Variants in MGAT4C observed in about 807,000 individuals in gnomAD.
MGAT4C encodes the protein MGAT4 family member C, also known as alpha-1,3-mannosyl-glycoprotein 4-beta-N-acetylglucosaminyltransferase C.
In MGAT4C, 19 loss-of-function variants were observed where a neutral mutation model predicts 40.1. The ratio of observed to expected loss-of-function variants is 0.47; its 90% CI spans 0.33 to 0.70. The LOEUF (loss-of-function observed/expected upper bound fraction) is 0.70, where lower values mean the gene tolerates loss of function less well. Ranked by LOEUF, MGAT4C falls within the 30% of genes least tolerant of loss-of-function variation. The probability of loss-of-function intolerance (pLI) is 0.02; values close to 1 mark genes in which losing one functional copy is unlikely to be tolerated. For missense variants in MGAT4C, 491 were observed against 563.2 expected (o/e 0.87, Z 1.30); for synonymous variants, 181 against 187.1 (o/e 0.97, Z 0.27).
At chr12:86,618,602 C>T (rs984812638) in intron 2 of MGAT4C, among the ~76,000 whole-genome samples, 1 of 152,106 alleles carries the variant, frequency 6.6e-6, no homozygotes, top group African/African-American at 2.4e-5. Flanking sequence ...CATGTTCTCA[C>T]TCATACATGA....
intron 2 of MGAT4C, among the ~76,000 whole-genome samples, chr12:86,489,793 C>T (rs1259411168): frequency 2.0e-5 from 3 of 151,660 alleles, no homozygotes; most frequent in South Asian, 2.1e-4. Flanking sequence ...CCTCAGGAGC[C>T]GATGCGATCA....
rs144397030 is a variant in MGAT4C, at chr12:86,059,331, C to T, written c.-56-9608G>A. ...TGCTGGGATTACAGGCATGAGCCAC[C>T]GCACCCAGCCTTAACATGTCTTCTT... On this transcript the variant is annotated intron_variant, in intron 1 of 4. Coordinates refer to ENST00000611864, the MANE Select transcript of MGAT4C (RefSeq NM_001351288.2). Among the ~76,000 whole-genome samples the T allele has an allele frequency of 3.3e-3, 499 of 152,316 alleles. 6 individuals are homozygous for T. Among genetic ancestry groups the T allele is most frequent in the South Asian group, 0.015 (73 of 4,834 alleles).
At chr12:86,255,850 C>G (rs1952493962) in intron 1 of MGAT4C, among the ~76,000 whole-genome samples, 2 of 152,076 alleles carry the variant, frequency 1.3e-5, no homozygotes. Flanking sequence ...AAGTCTACAG[C>G]AACACTACTT....
chr12:86,767,687 C>A (rs533237020), intron 1 of MGAT4C, among the ~76,000 whole-genome samples: 1 of 152,292 alleles, frequency 6.6e-6, no homozygotes, highest in Admixed American at 6.5e-5. Flanking sequence ...TGGGCTTCAT[C>A]CCTGGGATGC....
intron 3 of MGAT4C, among the ~76,000 whole-genome samples, chr12:86,341,866 C>T (rs763646928): frequency 9.2e-5 from 14 of 152,140 alleles, no homozygotes; most frequent in South Asian, 6.2e-4. Flanking sequence ...TGCCCTAGGA[C>T]GGCACTCCTA....
intron 3 of MGAT4C, among the ~76,000 whole-genome samples, chr12:86,408,467 C>CTATA (rs1956522291): frequency 1.9e-5 from 2 of 108,076 alleles, no homozygotes; most frequent in East Asian, 2.8e-4. Context: ...CTCTCTCTCT[C>CTATA]TCTCTCTCTC....
intron 1 of MGAT4C, among the ~76,000 whole-genome samples, chr12:86,187,229 C>T (rs4842454): frequency 0.073 from 11,148 of 152,042 alleles, 572 homozygotes; most frequent in Middle Eastern, 0.22. Context: ...CTGAATGCAC[C>T]CAATCTAGTC....
intron 2 of MGAT4C, among the ~76,000 whole-genome samples, chr12:86,030,128 C>A (rs55692321): frequency 0.071 from 10,770 of 151,654 alleles, 539 homozygotes; most frequent in Middle Eastern, 0.23. Flanking sequence ...TGCCATTTTA[C>A]AAGAGAGACA....
At position 85,962,654 on chromosome 12, in the gene MGAT4C, TG is replaced by T. The variant is rs1883174193; in HGVS notation, c.*16634del. 6.6e-6 allele frequency: 1 copy of T among 151,040 alleles called. No individual in the cohort carries two copies. The highest frequency in any genetic ancestry group is 6.6e-5 in the Admixed American group (1 of 15,170). The allele number at this position is 151,040 out of a possible 1,614,324, so 9.4% of individuals were successfully genotyped here. On this transcript the variant is annotated 3_prime_UTR_variant, in exon 5 of 5. Transcript: ENST00000611864. Reference sequence around the variant, plus strand: ...TTGTTTAAGTACATTCAACTTGTAATGAACTGTAAACTTCACCCATAACATT... The same window carrying T: ...TTGTTTAAGTACATTCAACTTGTAATAACTGTAAACTTCACCCATAACATT...
chr12:86,223,781 T>G (rs1475028710), intron 1 of MGAT4C, among the ~76,000 whole-genome samples: 2 of 152,128 alleles, frequency 1.3e-5, no homozygotes, highest in Non-Finnish European at 2.9e-5. Context: ...CCTTCTAAGG[T>G]CTGAGGTCCG....
At chr12:86,641,762 TA>T (rs966773761) in intron 2 of MGAT4C, among the ~76,000 whole-genome samples, 5 of 151,652 alleles carry the variant, frequency 3.3e-5, no homozygotes, top group African/African-American at 1.2e-4. Flanking sequence ...AAGGAAAACA[TA>T]ACCTCCGCAA....
At chr12:86,606,962 T>C (rs1212930375) in intron 2 of MGAT4C, among the ~76,000 whole-genome samples, 4 of 152,112 alleles carry the variant, frequency 2.6e-5, no homozygotes, top group Non-Finnish European at 4.4e-5. Flanking sequence ...GTAAATACAC[T>C]GAATATTTTA....
At chr12:86,686,081 G>A (rs749265890) in intron 2 of MGAT4C, among the ~76,000 whole-genome samples, 47 of 151,116 alleles carry the variant, frequency 3.1e-4, no homozygotes, top group Non-Finnish European at 5.0e-4. Flanking sequence ...ATGTTTCACC[G>A]TGTTAGTCAG....
At chr12:86,511,305 A>G (rs1958577780) in intron 2 of MGAT4C, among the ~76,000 whole-genome samples, 1 of 152,226 alleles carries the variant, frequency 6.6e-6, no homozygotes, top group Non-Finnish European at 1.5e-5. Flanking sequence ...GAACAAAGAC[A>G]CAACATACCA....
chr12:86,191,632 A>AACACACACACAC (rs61626246), intron 1 of MGAT4C, among the ~76,000 whole-genome samples: 29 of 121,998 alleles, frequency 2.4e-4, no homozygotes, highest in African/African-American at 8.2e-4. Context: ...CAAAAAACAA[A>AACACACACACAC]ACACACACAC....
chr12:86,505,993 C>A (rs1395972491), intron 2 of MGAT4C, among the ~76,000 whole-genome samples: 2 of 152,156 alleles, frequency 1.3e-5, no homozygotes, highest in Non-Finnish European at 2.9e-5. Flanking sequence ...TTTGACAAAT[C>A]ATTTACTCCT....
chr12:86,360,826 G>A (rs968159362), intron 3 of MGAT4C, among the ~76,000 whole-genome samples: 4 of 151,996 alleles, frequency 2.6e-5, no homozygotes, highest in African/African-American at 4.8e-5. Flanking sequence ...ATTGCTCAAC[G>A]AAATAAAAGA....
chr12:86,374,124 G>T (rs943940425), intron 3 of MGAT4C, among the ~76,000 whole-genome samples: 3 of 152,006 alleles, frequency 2.0e-5, no homozygotes, highest in African/African-American at 4.8e-5. Context: ...TGGTAGAAAA[G>T]TCATGAGCAA....
chr12:86,264,481 A>AG (rs1452147617), intron 4 of MGAT4C, among the ~76,000 whole-genome samples: 1 of 151,880 alleles, frequency 6.6e-6, no homozygotes, highest in Non-Finnish European at 1.5e-5. Context: ...GGAGGCGGGG[A>AG]GGGGGCTGCG....
Sources: allele counts gnomAD v4.1 joint callset (sites outside exome capture counted in the v4.1 genomes callset), GRCh38; gene constraint gnomAD v4.1.1; transcripts MANE v1.5; gene names NCBI Gene and HGNC (gene_info 2026-07-23, HGNC 2026-07-21).